Variants in KDM4C observed in about 807,000 individuals in gnomAD.
KDM4C encodes lysine-specific demethylase 4C.
A neutral mutation model predicts 129.3 loss-of-function variants in KDM4C; 81 were observed. That is an observed-to-expected ratio of 0.63 (90% CI 0.52 to 0.75). The LOEUF (loss-of-function observed/expected upper bound fraction) is 0.75, where lower values mean the gene tolerates loss of function less well. KDM4C is among the 30% of genes least tolerant of loss of function. KDM4C has a pLI of 0.00. For synonymous variants in KDM4C, 573 were observed against 456.1 expected, an observed-to-expected ratio of 1.26 and a Z score of -3.26; for missense variants, 1,457 against 1,304.0, an observed-to-expected ratio of 1.12 and a Z score of -1.81.
In KDM4C at chr9:6,751,639, A is replaced by T. The variant is rs192811815; in HGVS notation, c.49+30642A>T. Among the ~76,000 whole-genome samples the T allele has an allele frequency of 1.2e-4, 18 of 152,288 alleles. No individual in the cohort carries two copies. The East Asian group carries it at 3.3e-3, about 28-fold the overall frequency. On this transcript the variant is annotated intron_variant, in intron 1 of 17. Coordinates refer to the KDM4C transcript ENST00000536108. The stretch of plus-strand genomic sequence containing the variant: ...TATATTAACATTAGTTCAAGAAGAG[A>T]GAAGCCACTTACAACTTTAGCTGAA...
chr9:7,059,716 C>CT (rs1339746641), intron 17 of KDM4C, among the ~76,000 whole-genome samples: 1 of 152,202 alleles, frequency 6.6e-6, no homozygotes, highest in Admixed American at 6.5e-5. Flanking sequence ...ATATGAGACT[C>CT]TAACTCTCTT....
In KDM4C at chr9:6,925,030, T is replaced by A. The variant is rs557007063; in HGVS notation, c.921+31798T>A. ...GCTTCCTACTTCTGAAGTTCTGAAA[T>A]GAACCAGGTGTATAAGAATGAACAT... On this transcript the variant is annotated intron_variant, in intron 8 of 21. Coordinates refer to ENST00000381309, the MANE Select transcript of KDM4C (RefSeq NM_015061.6). The A allele has an allele frequency of 3.9e-5, 38 of 985,380 alleles. No homozygotes were observed. The South Asian group carries it at 1.7e-3, about 44-fold the overall frequency. 61.0% of individuals were successfully genotyped at this position (985,380 alleles called of 1,614,324 possible).
chr9:7,066,899 C>A (rs1370473786), intron 17 of KDM4C, among the ~76,000 whole-genome samples: 4 of 152,132 alleles, frequency 2.6e-5, no homozygotes, highest in Admixed American at 2.6e-4. Flanking sequence ...TTTCTCAAAG[C>A]AATTCATAAA....
At chr9:7,076,772 A>G (rs1239370215) in intron 17 of KDM4C, 3 of 1,093,680 alleles carry the variant, frequency 2.7e-6, no homozygotes, top group Non-Finnish European at 2.2e-6. Context: ...TGTATCCTAG[A>G]GTTTCCCTTT....
intron 9 of KDM4C, chr9:6,982,851 A>C (rs545176703): frequency 5.9e-5 from 9 of 152,328 alleles, no homozygotes; most frequent in Admixed American, 3.3e-4. Flanking sequence ...CAGTAGGTTC[A>C]AATAATCAAT....
intron 8 of KDM4C, among the ~76,000 whole-genome samples, chr9:6,979,375 G>A (rs1000164374): frequency 1.3e-5 from 2 of 152,172 alleles, no homozygotes; most frequent in Admixed American, 1.3e-4. Flanking sequence ...AGTTTTGCTG[G>A]ATAGCCGGCT....
In KDM4C at chr9:7,154,449, G is replaced by C. The variant is rs116691323; in HGVS notation, c.2782-10789G>C. The stretch of plus-strand genomic sequence containing the variant: ...GCTACCTGCTCTGTGGTTTATACAC[G>C]TAAGGAGTAGTGATGGGGGTGGGGA... On this transcript the variant is annotated intron_variant, in intron 19 of 21. Transcript: ENST00000381309. 7.8e-4 allele frequency among the ~76,000 whole-genome samples: 119 copies of C among 152,326 alleles called. 1 individual carries two copies. The highest frequency in any genetic ancestry group is 2.7e-3 in the African/African-American group (111 of 41,578).
chr9:7,167,975 A>G (rs1414624767), intron 20 of KDM4C, among the ~76,000 whole-genome samples: 1 of 152,216 alleles, frequency 6.6e-6, no homozygotes, highest in African/African-American at 2.4e-5. Flanking sequence ...TGAGGTCAGG[A>G]GTTCGAGACC....
intron 16 of KDM4C, 129 bp from the exon 17 acceptor site, chr9:7,048,963 G>T: frequency 8.4e-5 from 45 of 533,104 alleles, no homozygotes; most frequent in Non-Finnish European, 1.2e-4. Context: ...GAATCTGTTT[G>T]TGATGGATTT....
At chr9:6,829,365 G>A (rs940690182) in intron 4 of KDM4C, among the ~76,000 whole-genome samples, 19 of 152,348 alleles carry the variant, frequency 1.2e-4, no homozygotes, top group African/African-American at 4.6e-4. Context: ...GCAGATTTCT[G>A]TGGGAAAGTA....
intron 1 of KDM4C, among the ~76,000 whole-genome samples, chr9:6,783,434 C>T (rs1364105955): frequency 6.6e-6 from 1 of 152,134 alleles, no homozygotes; most frequent in African/African-American, 2.4e-5. Context: ...AATGACTGTG[C>T]CTAGCAGACT....
At chr9:6,849,429 G>A in intron 4 of KDM4C, 78 bp from the exon 5 acceptor site, 1 of 1,233,898 alleles carries the variant, frequency 8.1e-7, no homozygotes, top group Non-Finnish European at 1.1e-6. Flanking sequence ...TTGGTGGATA[G>A]TGGTTTGATT....
chr9:6,746,729 C>T (rs1817888070), intron 1 of KDM4C, among the ~76,000 whole-genome samples: 1 of 150,780 alleles, frequency 6.6e-6, no homozygotes, highest in Non-Finnish European at 1.5e-5. Flanking sequence ...AAAAAACAGG[C>T]CAGGCGCGGT....
chr9:7,172,363 G>A (rs1290498071), intron 21 of KDM4C, among the ~76,000 whole-genome samples: 1 of 152,084 alleles, frequency 6.6e-6, no homozygotes, highest in Non-Finnish European at 1.5e-5. Flanking sequence ...CCATAGCAAC[G>A]GTGCATAATT....
chr9:6,995,389 A>G (rs886439961), intron 12 of KDM4C, among the ~76,000 whole-genome samples: 5 of 152,170 alleles, frequency 3.3e-5, no homozygotes, highest in Admixed American at 2.0e-4. Context: ...TTCCACACAG[A>G]GAATAGTTGC....
intron 19 of KDM4C, among the ~76,000 whole-genome samples, chr9:7,145,270 G>C (rs999018279): frequency 2.6e-5 from 4 of 152,142 alleles, no homozygotes; most frequent in African/African-American, 9.7e-5. Flanking sequence ...TCTATGCTTT[G>C]GTGAAGGAGG....
At chr9:6,923,416 C>G (rs1169554645) in intron 8 of KDM4C, among the ~76,000 whole-genome samples, 1 of 151,886 alleles carries the variant, frequency 6.6e-6, no homozygotes, top group African/African-American at 2.4e-5. Context: ...GAGTGGCTAT[C>G]TTATGAGCGC....
chr9:6,985,713 C>A (rs1159346569), intron 10 of KDM4C, among the ~76,000 whole-genome samples: 1 of 152,016 alleles, frequency 6.6e-6, no homozygotes, highest in Non-Finnish European at 1.5e-5. Context: ...TTTTTTGAGA[C>A]AGAGTCTCTC....
At chr9:7,125,418 A>C (rs1465324739) in intron 18 of KDM4C, among the ~76,000 whole-genome samples, 4 of 152,234 alleles carry the variant, frequency 2.6e-5, no homozygotes, top group Non-Finnish European at 5.9e-5. Flanking sequence ...CTGTTCCAGG[A>C]AACAGTAATA....
Sources: allele counts gnomAD v4.1 joint callset (sites outside exome capture counted in the v4.1 genomes callset), GRCh38; gene constraint gnomAD v4.1.1; transcripts MANE v1.5; gene names NCBI Gene and HGNC (gene_info 2026-07-23, HGNC 2026-07-21).